PRMT3: variants seen among roughly 807,000 people sequenced by gnomAD.
PRMT3 encodes protein arginine methyltransferase 3.
Under a neutral mutation model 71.9 loss-of-function variants are expected in PRMT3, and 62 were observed. That is an observed-to-expected ratio of 0.86 (90% CI 0.70 to 1.07). The LOEUF (loss-of-function observed/expected upper bound fraction) is 1.07, where lower values mean the gene tolerates loss of function less well. PRMT3 is among the 50% of genes least tolerant of loss of function. The pLI is 0.00. For missense variants in PRMT3, 663 were observed against 643.0 expected (o/e 1.03, Z -0.34); for synonymous variants, 213 against 220.4 (o/e 0.97, Z 0.30).
chr11:20,465,979 C>A (rs2133407782), intron 13 of PRMT3, among the ~76,000 whole-genome samples: 1 of 152,170 alleles, frequency 6.6e-6, no homozygotes, highest in African/African-American at 2.4e-5. Flanking sequence ...AATAAATTGT[C>A]ATGTCACCAG....
intron 6 of PRMT3, among the ~76,000 whole-genome samples, chr11:20,396,578 C>T (rs1374647976): frequency 1.3e-5 from 2 of 152,008 alleles, no homozygotes; most frequent in African/African-American, 4.8e-5. Context: ...GGGGAGGTTG[C>T]AGTGAGCTGA....
intron 10 of PRMT3, among the ~76,000 whole-genome samples, chr11:20,448,015 T>G (rs1007354210): frequency 1.3e-5 from 2 of 152,182 alleles, no homozygotes; most frequent in African/African-American, 4.8e-5. Flanking sequence ...ACAAAGTGTT[T>G]TACTCCATTC....
chr11:20,480,215 A>G (rs755674381), intron 13 of PRMT3, among the ~76,000 whole-genome samples: 1 of 152,140 alleles, frequency 6.6e-6, no homozygotes, highest in African/African-American at 2.4e-5. Flanking sequence ...AGTGGTCCGT[A>G]TCTTGATCTG....
At chr11:20,466,505 A>G (rs1263596001) in intron 13 of PRMT3, among the ~76,000 whole-genome samples, 1 of 152,134 alleles carries the variant, frequency 6.6e-6, no homozygotes, top group Non-Finnish European at 1.5e-5. Context: ...TTCATTCAGC[A>G]TATCTGCTTG....
chr11:20,451,385 A>G (rs747114699), intron 10 of PRMT3, among the ~76,000 whole-genome samples: 3 of 152,092 alleles, frequency 2.0e-5, no homozygotes, highest in Non-Finnish European at 2.9e-5. Flanking sequence ...CATGAGAACT[A>G]CTCAGAACTT....
intron 10 of PRMT3, among the ~76,000 whole-genome samples, chr11:20,435,524 G>A (rs1849743238): frequency 1.3e-5 from 2 of 151,862 alleles, no homozygotes; most frequent in South Asian, 2.1e-4. Context: ...GTAGGAGATA[G>A]GGATCTAGTT....
At chr11:20,493,787 A>G in intron 13 of PRMT3, 132 bp from the exon 14 acceptor site, 1 of 634,576 alleles carries the variant, frequency 1.6e-6, no homozygotes, top group East Asian at 2.9e-5. Context: ...TTTTCCAGGA[A>G]AAATATTGAG....
At position 20,392,934 on chromosome 11, in the gene PRMT3, C is replaced by G. The variant is rs769790342; in HGVS notation, c.335C>G (p.Pro112Arg). ...TVEYMNSIYN[P>R]VPWEKEEYLK... ...GAGTACATGAATTCCATATACAACC[C>G]AGTGCCTTGGGAGAAAGAAGAGTAT... Residue 112 changes from proline (P) to arginine (R), a missense_variant, in exon 5 of 16, where the codon CCA becomes CGA. Coordinates refer to ENST00000331079, the MANE Select transcript of PRMT3 (RefSeq NM_005788.4). 3.1e-6 allele frequency: 5 copies of G among 1,606,294 alleles called. No homozygotes were observed. Among genetic ancestry groups the G allele is most frequent in the Non-Finnish European group, 4.3e-6 (5 of 1,173,024 alleles).
intron 9 of PRMT3, among the ~76,000 whole-genome samples, chr11:20,423,399 G>A (rs1849469090): frequency 6.6e-6 from 1 of 152,136 alleles, no homozygotes; most frequent in Non-Finnish European, 1.5e-5. Context: ...CTCAGTCCAT[G>A]GGCCAGCTAC....
intron 9 of PRMT3, among the ~76,000 whole-genome samples, chr11:20,408,369 A>C (rs1849119464): frequency 6.6e-6 from 1 of 152,022 alleles, no homozygotes; most frequent in African/African-American, 2.4e-5. Context: ...ACTTACTAAT[A>C]TATTTATTAT....
At chr11:20,501,941 A>G (rs1565241983) in intron 15 of PRMT3, among the ~76,000 whole-genome samples, 1 of 152,002 alleles carries the variant, frequency 6.6e-6, no homozygotes, top group Non-Finnish European at 1.5e-5. Context: ...TTTTTCTTTC[A>G]TTTTTAAACT....
intron 13 of PRMT3, among the ~76,000 whole-genome samples, chr11:20,467,733 G>A (rs1850546313): frequency 1.3e-5 from 2 of 152,180 alleles, no homozygotes; most frequent in Non-Finnish European, 2.9e-5. Context: ...TCCTCTCAGA[G>A]TAAGCTTATA....
At chr11:20,460,145 A>G (rs1019497447) in intron 11 of PRMT3, among the ~76,000 whole-genome samples, 2 of 152,196 alleles carry the variant, frequency 1.3e-5, no homozygotes. Context: ...GCTGTCATTG[A>G]ATAATAAAAT....
At chr11:20,450,405 G>A (rs1249485159) in intron 10 of PRMT3, among the ~76,000 whole-genome samples, 3 of 152,072 alleles carry the variant, frequency 2.0e-5, no homozygotes, top group African/African-American at 4.8e-5. Flanking sequence ...TGAAATCTGC[G>A]TGAATATGTC....
chr11:20,457,582 G>A (rs2133394846), intron 11 of PRMT3, among the ~76,000 whole-genome samples: 1 of 152,196 alleles, frequency 6.6e-6, no homozygotes, highest in East Asian at 1.9e-4. Context: ...CAAAGTAGTT[G>A]CTCAATAAAT....
At chr11:20,471,283 C>T (rs925853362) in intron 13 of PRMT3, among the ~76,000 whole-genome samples, 18 of 152,128 alleles carry the variant, frequency 1.2e-4, no homozygotes, top group Admixed American at 3.9e-4. Flanking sequence ...GTCATGAAAT[C>T]TTTGCCCGTG....
At chr11:20,440,114 A>G (rs1160651544) in intron 10 of PRMT3, among the ~76,000 whole-genome samples, 1 of 152,230 alleles carries the variant, frequency 6.6e-6, no homozygotes, top group Admixed American at 6.5e-5. Flanking sequence ...AAAGTTCTAA[A>G]TGGAAAAAGA....
intron 3 of PRMT3, 27 bp downstream of exon 3, chr11:20,389,853 T>C: frequency 6.4e-7 from 1 of 1,570,162 alleles, no homozygotes; most frequent in Non-Finnish European, 8.8e-7. Flanking sequence ...ATAAAGGCAA[T>C]TTAATTTGTG....
intron 11 of PRMT3, among the ~76,000 whole-genome samples, chr11:20,455,812 G>A (rs1005813133): frequency 2.6e-5 from 4 of 151,584 alleles, no homozygotes; most frequent in African/African-American, 9.7e-5. Context: ...TTGAAGAAAT[G>A]ATATACTGTA....
Sources: allele counts gnomAD v4.1 joint callset (sites outside exome capture counted in the v4.1 genomes callset), GRCh38; gene constraint gnomAD v4.1.1; transcripts MANE v1.5; gene names NCBI Gene and HGNC (gene_info 2026-07-23, HGNC 2026-07-21).